Variants in CACNA1E observed in about 807,000 individuals in gnomAD.
CACNA1E encodes voltage-dependent R-type calcium channel subunit alpha-1E.
CACNA1E carries 40 observed loss-of-function variants against 259.2 expected under a neutral mutation model. The observed-to-expected ratio is 0.15, with a 90% CI of 0.12 to 0.20. The LOEUF (loss-of-function observed/expected upper bound fraction) is 0.20, where lower values mean the gene tolerates loss of function less well. Among genes scored for constraint, CACNA1E ranks in the 10% least tolerant of loss-of-function variants. CACNA1E has a pLI of 1.00. For missense variants in CACNA1E, 1,874 were observed against 3,040.1 expected (o/e 0.62, Z 9.02); for synonymous variants, 1,104 against 1,138.5 (o/e 0.97, Z 0.61).
At chr1:181,437,276 A>G (rs534629573) in intron 2 of CACNA1E, among the ~76,000 whole-genome samples, 1 of 152,032 alleles carries the variant, frequency 6.6e-6, no homozygotes, top group South Asian at 2.1e-4. Context: ...TCTTGATCTC[A>G]TTCTTTCTTT....
intron 7 of CACNA1E, among the ~76,000 whole-genome samples, chr1:181,657,226 C>T (rs1001220865): frequency 1.3e-5 from 2 of 151,990 alleles, no homozygotes; most frequent in African/African-American, 2.4e-5. Flanking sequence ...TTGATATAGC[C>T]CCTTACAGTG....
intron 2 of CACNA1E, among the ~76,000 whole-genome samples, chr1:181,456,667 G>C (rs1332881778): frequency 6.6e-6 from 1 of 152,172 alleles, no homozygotes; most frequent in African/African-American, 2.4e-5. Flanking sequence ...GCCTGGAGTT[G>C]AGAGCTCATA....
intron 25 of CACNA1E, among the ~76,000 whole-genome samples, chr1:181,740,768 C>G (rs1039714979): frequency 8.5e-5 from 13 of 152,170 alleles, no homozygotes; most frequent in Non-Finnish European, 1.3e-4. Flanking sequence ...GTGCAGTCAC[C>G]TTTGTCCCCC....
In CACNA1E at chr1:181,736,298, G is replaced by T. The variant is rs1031393659; in HGVS notation, c.3286G>T (p.Ala1096Ser). 8 of 1,597,346 alleles carry T rather than the reference G, an allele frequency of 5.0e-6. No homozygotes were observed. The highest frequency in any genetic ancestry group is 6.8e-6 in the Non-Finnish European group (8 of 1,171,634). ...VHISNKTDGEASPLKEAEIRE... is the reference protein window; with the variant it reads ...VHISNKTDGESSPLKEAEIRE... ...AGTTAGCAACAAGACGGATGGGGAAGCCAGTCCCTTGAAGGAGGCAGAGAT... is the reference window on the plus strand; with the variant it reads ...AGTTAGCAACAAGACGGATGGGGAATCCAGTCCCTTGAAGGAGGCAGAGAT... The change falls in exon 22 of 48, where the codon GCC (alanine) becomes TCC (serine). Residue 1096 changes from alanine (A) to serine (S), a missense_variant. Ala to Ser is a moderately conservative substitution (Grantham distance 99). Transcript: ENST00000367573.
chr1:181,484,084 G>C, intron 1 of CACNA1E, 74 bp downstream of exon 1: 2 of 1,426,484 alleles, frequency 1.4e-6, no homozygotes, highest in Non-Finnish European at 2.0e-6. Context: ...ACCTAGCATG[G>C]AATGTATCCC....
chr1:181,575,967 T>G (rs1650931166), intron 3 of CACNA1E, among the ~76,000 whole-genome samples: 1 of 152,222 alleles, frequency 6.6e-6, no homozygotes, highest in African/African-American at 2.4e-5. Context: ...TCTCGTTCTT[T>G]TTTCTCTTTA....
rs1242109150 is a variant in CACNA1E at position 181,781,409 on chromosome 1, A to G, written c.5268-18A>G. ...CCGCTAACCCACCCCATCCCAACTC[A>G]CCACCCTCCATGAGCAGTGGCCGCA... On this transcript the variant is annotated intron_variant, in intron 38 of 47. Coordinates refer to ENST00000367573, the MANE Select transcript of CACNA1E (RefSeq NM_001205293.3). 1 of 1,402,264 alleles carries G rather than the reference A, an allele frequency of 7.1e-7. No individual in the cohort carries two copies. The highest frequency in any genetic ancestry group is 1.0e-6 in the Non-Finnish European group (1 of 1,003,676). The allele number at this position is 1,402,264 out of a possible 1,614,324, so 86.9% of individuals were successfully genotyped here. A position where few individuals can be genotyped will look rare whatever the true frequency, so the allele number is the denominator to read the frequency against.
At chr1:181,674,413 A>AG (rs1649157241) in intron 7 of CACNA1E, among the ~76,000 whole-genome samples, 1 of 151,038 alleles carries the variant, frequency 6.6e-6, no homozygotes, top group Non-Finnish European at 1.5e-5. Flanking sequence ...AAAAAAAAAA[A>AG]AAAAAAAGAA....
intron 1 of CACNA1E, among the ~76,000 whole-genome samples, chr1:181,397,411 C>T (rs1315057937): frequency 1.3e-5 from 2 of 152,212 alleles, no homozygotes; most frequent in African/African-American, 4.8e-5. Context: ...AGTGATTCTC[C>T]TGCCTCAGCC....
chr1:181,323,666 A>G (rs559788426), intron 1 of CACNA1E, among the ~76,000 whole-genome samples: 62 of 152,302 alleles, frequency 4.1e-4, no homozygotes, highest in African/African-American at 1.5e-3. Flanking sequence ...AACATTTTAT[A>G]TTTCTGCTTC....
intron 3 of CACNA1E, among the ~76,000 whole-genome samples, chr1:181,549,899 G>A (rs371073747): frequency 2.0e-5 from 3 of 152,132 alleles, no homozygotes; most frequent in Non-Finnish European, 4.4e-5. Context: ...TGTGTACTGC[G>A]GTGACACTTC....
At chr1:181,718,960 A>G (rs1016180615) in intron 12 of CACNA1E, among the ~76,000 whole-genome samples, 1 of 152,196 alleles carries the variant, frequency 6.6e-6, no homozygotes, top group Non-Finnish European at 1.5e-5. Context: ...CTTTCTGTCA[A>G]TCCCACTACT....
chr1:181,391,939 C>CTGTGTGTGTGTGTGTG (rs1227455808), intron 1 of CACNA1E, among the ~76,000 whole-genome samples: 58 of 110,998 alleles, frequency 5.2e-4, no homozygotes, highest in African/African-American at 1.6e-3. Context: ...CTCTCTCTCT[C>CTGTGTGTGTGTGTGTG]TCTCTCTGTG....
At chr1:181,384,143 G>A (rs1428370891) in intron 1 of CACNA1E, among the ~76,000 whole-genome samples, 1 of 152,218 alleles carries the variant, frequency 6.6e-6, no homozygotes, top group East Asian at 1.9e-4. Flanking sequence ...TCTGGTTCCT[G>A]GGTGACTGGA....
At chr1:181,528,143 G>A (rs1308050008) in intron 3 of CACNA1E, among the ~76,000 whole-genome samples, 8 of 143,040 alleles carry the variant, frequency 5.6e-5, no homozygotes, top group East Asian at 2.0e-4. Flanking sequence ...GGAGGGGCCC[G>A]GGGTGGGGGG....
intron 1 of CACNA1E, among the ~76,000 whole-genome samples, chr1:181,386,731 T>A (rs183705657): frequency 6.6e-6 from 1 of 152,190 alleles, no homozygotes; most frequent in Admixed American, 6.5e-5. Context: ...ATCAGTATTG[T>A]CTGCTCATCA....
intron 6 of CACNA1E, among the ~76,000 whole-genome samples, chr1:181,593,179 C>CTATTTT (rs1195283092): frequency 6.6e-6 from 1 of 151,662 alleles, no homozygotes; most frequent in Non-Finnish European, 1.5e-5. Context: ...TATGAGTGTA[C>CTATTTT]TATTTTTATG....
At chr1:181,736,554 T>C (rs1042723945) in intron 22 of CACNA1E, 120 bp downstream of exon 22, 1 of 921,030 alleles carries the variant, frequency 1.1e-6, no homozygotes, top group East Asian at 2.7e-5. Context: ...GCCTTCCTGG[T>C]GGAGCATGGC....
intron 7 of CACNA1E, among the ~76,000 whole-genome samples, chr1:181,676,246 C>T (rs1166794003): frequency 1.3e-5 from 2 of 152,112 alleles, no homozygotes; most frequent in Non-Finnish European, 2.9e-5. Flanking sequence ...TGGAAATGCA[C>T]CCACAGCATC....
Sources: gnomAD v4.1 joint callset for allele counts (sites outside exome capture counted in the v4.1 genomes callset) on GRCh38, gnomAD v4.1.1 for gene constraint, MANE v1.5 for transcripts, NCBI Gene and HGNC (gene_info 2026-07-23, HGNC 2026-07-21) for gene names.